GUCY1A2: variants seen among roughly 807,000 people sequenced by gnomAD.
The protein encoded by GUCY1A2 is guanylate cyclase soluble subunit alpha-2.
GUCY1A2 carries 27 observed loss-of-function variants against 63.5 expected under a neutral mutation model. The ratio of observed to expected loss-of-function variants is 0.43; its 90% CI spans 0.31 to 0.59. The LOEUF (loss-of-function observed/expected upper bound fraction) is 0.59. GUCY1A2 is among the 20% of genes least tolerant of loss of function. The pLI, the probability that GUCY1A2 is intolerant of heterozygous loss-of-function variation, is 0.11. For missense variants in GUCY1A2, 768 were observed against 913.3 expected, an observed-to-expected ratio of 0.84 and a Z score of 2.05; for synonymous variants, 364 against 343.5, an observed-to-expected ratio of 1.06 and a Z score of -0.66.
chr11:106,684,074 T>C lies in GUCY1A2; in HGVS notation c.*3475A>G, dbSNP rs1401029971. The C allele has an allele frequency of 5.4e-6, 1 of 186,648 alleles. No individual in the cohort carries two copies. Among genetic ancestry groups the C allele is most frequent in the Non-Finnish European group, 1.1e-5 (1 of 88,348 alleles). 11.6% of individuals were successfully genotyped at this position (186,648 alleles called of 1,614,324 possible). A position where few individuals can be genotyped will look rare whatever the true frequency, so the allele number is the denominator to read the frequency against. On this transcript the variant is annotated 3_prime_UTR_variant, in exon 8 of 8. Transcript: ENST00000526355. ...TAAGTTGTTATTATCCTCTTTTGCT[T>C]TGTTTTTCCTGGAAAGACACACATA... is the stretch of plus-strand genomic sequence containing the variant.
intron 6 of GUCY1A2, among the ~76,000 whole-genome samples, chr11:106,726,240 C>T (rs531139996): frequency 9.7e-4 from 148 of 152,086 alleles, no homozygotes; most frequent in African/African-American, 3.0e-3. Context: ...CATGGTAAAA[C>T]CTCGTCTCTA....
At chr11:106,809,678 A>C (rs1002754076) in intron 5 of GUCY1A2, among the ~76,000 whole-genome samples, 1 of 152,128 alleles carries the variant, frequency 6.6e-6, no homozygotes, top group Non-Finnish European at 1.5e-5. Context: ...TCTAAGCAAG[A>C]ATAATTATGT....
intron 2 of GUCY1A2, among the ~76,000 whole-genome samples, chr11:106,979,630 C>T (rs1299515227): frequency 1.3e-5 from 2 of 152,124 alleles, no homozygotes; most frequent in African/African-American, 4.8e-5. Flanking sequence ...TTCTAGAGTT[C>T]TTGTGAGGAC....
At chr11:106,987,486 A>G (rs1861416955) in intron 1 of GUCY1A2, among the ~76,000 whole-genome samples, 1 of 152,104 alleles carries the variant, frequency 6.6e-6, no homozygotes, top group Admixed American at 6.6e-5. Flanking sequence ...CCCTGTCTCT[A>G]CTAAAAGTAC....
intron 7 of GUCY1A2, among the ~76,000 whole-genome samples, chr11:106,696,095 C>A (rs1452284082): frequency 6.6e-6 from 1 of 152,106 alleles, no homozygotes; most frequent in Non-Finnish European, 1.5e-5. Flanking sequence ...GAGTGTACAT[C>A]TTCTGGGATG....
intron 4 of GUCY1A2, among the ~76,000 whole-genome samples, chr11:106,843,396 A>G (rs2135445456): frequency 6.6e-6 from 1 of 151,896 alleles, no homozygotes; most frequent in Middle Eastern, 3.4e-3. Flanking sequence ...CCTGTTTCCC[A>G]AAATCCTATT....
At chr11:106,910,362 A>G (rs946875406) in intron 4 of GUCY1A2, among the ~76,000 whole-genome samples, 6 of 152,104 alleles carry the variant, frequency 3.9e-5, no homozygotes, top group African/African-American at 1.4e-4. Context: ...GGGCAGATTT[A>G]GCATTCTTCT....
chr11:106,674,259 G>A lies in GUCY1A2; in HGVS notation c.*13290C>T, dbSNP rs911397858. 1.1e-5 allele frequency: 2 copies of A among 183,944 alleles called. No individual in the cohort carries two copies. The highest frequency in any genetic ancestry group is 4.7e-5 in the African/African-American group (2 of 42,550). 11.4% of individuals were successfully genotyped at this position (183,944 alleles called of 1,614,324 possible). On this transcript the variant is annotated 3_prime_UTR_variant, in exon 8 of 8. Coordinates refer to ENST00000526355, the MANE Select transcript of GUCY1A2 (RefSeq NM_000855.3). ...AAAGACATTTTACATCATGAAACAT[G>A]CTATTTACATTGTGAATGATTTCGA... is the stretch of plus-strand genomic sequence containing the variant.
At chr11:106,951,259 T>C (rs945279902) in intron 3 of GUCY1A2, among the ~76,000 whole-genome samples, 3 of 152,220 alleles carry the variant, frequency 2.0e-5, no homozygotes, top group Non-Finnish European at 4.4e-5. Context: ...ATATACCCAG[T>C]AATGGGGTTG....
chr11:106,855,638 T>C (rs1324597193), intron 4 of GUCY1A2, among the ~76,000 whole-genome samples: 1 of 152,144 alleles, frequency 6.6e-6, no homozygotes, highest in Non-Finnish European at 1.5e-5. Flanking sequence ...CTAAAAACAT[T>C]TGTTGAAAAA....
At chr11:106,702,349 T>C (rs966608443) in intron 7 of GUCY1A2, among the ~76,000 whole-genome samples, 2 of 152,148 alleles carry the variant, frequency 1.3e-5, no homozygotes, top group African/African-American at 2.4e-5. Flanking sequence ...CACAAAAATG[T>C]GGTCTGTGCA....
intron 3 of GUCY1A2, among the ~76,000 whole-genome samples, chr11:106,948,503 T>C (rs2120010590): frequency 6.6e-6 from 1 of 152,248 alleles, no homozygotes; most frequent in South Asian, 2.1e-4. Flanking sequence ...TAAAATAAGA[T>C]ATAAAGAAAC....
intron 7 of GUCY1A2, among the ~76,000 whole-genome samples, chr11:106,703,205 C>T (rs574760746): frequency 5.9e-5 from 9 of 152,218 alleles, no homozygotes; most frequent in South Asian, 2.1e-4. Flanking sequence ...AGCTTGCAGA[C>T]GCCCTATTGT....
Position 106,946,165 on chromosome 11 carries a change from G to T in GUCY1A2, c.488-5987C>A, listed in dbSNP as rs947081662. The stretch of plus-strand genomic sequence containing the variant: ...GTTTCTTCTTAAGGGGATTTGGGGG[G>T]ATAGGAATAATATAATCTTAGAAAG... On this transcript the variant is annotated intron_variant, in intron 3 of 7. Coordinates refer to ENST00000526355, the MANE Select transcript of GUCY1A2 (RefSeq NM_000855.3). Among the ~76,000 whole-genome samples, 5 of 152,002 alleles carry T rather than the reference G, an allele frequency of 3.3e-5. No individual in the cohort carries two copies. In the South Asian group the frequency reaches 8.3e-4, roughly 25 times the overall value.
intron 6 of GUCY1A2, among the ~76,000 whole-genome samples, chr11:106,721,271 C>A (rs1863311995): frequency 1.3e-5 from 2 of 152,040 alleles, no homozygotes; most frequent in South Asian, 4.1e-4. Flanking sequence ...GTTTCCCAGG[C>A]TACTCTCAAA....
chr11:107,000,226 G>A (rs1283107015), intron 1 of GUCY1A2, among the ~76,000 whole-genome samples: 1 of 152,206 alleles, frequency 6.6e-6, no homozygotes, highest in Non-Finnish European at 1.5e-5. Context: ...GAAAAAGAGA[G>A]AAAGACTTTA....
chr11:106,948,014 T>C (rs890287455), intron 3 of GUCY1A2, among the ~76,000 whole-genome samples: 1 of 151,912 alleles, frequency 6.6e-6, no homozygotes, highest in African/African-American at 2.4e-5. Context: ...ATTAGATAAA[T>C]CAGAAAAGAA....
intron 6 of GUCY1A2, among the ~76,000 whole-genome samples, chr11:106,737,873 C>A (rs1158942854): frequency 2.0e-5 from 3 of 152,076 alleles, no homozygotes; most frequent in Admixed American, 2.0e-4. Context: ...GTGCATGTGT[C>A]TTTATAGAAT....
At chr11:106,839,869 G>T (rs1416366540) in intron 4 of GUCY1A2, among the ~76,000 whole-genome samples, 1 of 122,770 alleles carries the variant, frequency 8.1e-6, no homozygotes, top group Non-Finnish European at 1.7e-5. Flanking sequence ...TGGGGTGGGG[G>T]GAGGGGGGAG....
Sources: gnomAD v4.1 joint callset for allele counts (sites outside exome capture counted in the v4.1 genomes callset) on GRCh38, gnomAD v4.1.1 for gene constraint, MANE v1.5 for transcripts, NCBI Gene and HGNC (gene_info 2026-07-23, HGNC 2026-07-21) for gene names.